The following CCDC3 variants were observed in gnomAD, a reference collection of about 807,000 sequenced individuals.
The protein encoded by CCDC3 is coiled-coil domain containing 3.
In CCDC3, 24 loss-of-function variants were observed where a neutral mutation model predicts 21.4. That is an observed-to-expected ratio of 1.12 (90% confidence interval 0.81 to 1.58). The LOEUF is 1.58. Ranked by LOEUF, CCDC3 falls within the 40% of genes most tolerant of loss-of-function variation. CCDC3 has a pLI of 0.00. For missense variants in CCDC3, 425 were observed against 360.9 expected (o/e 1.18, Z -1.44); for synonymous variants, 186 against 166.0 (o/e 1.12, Z -0.93).
intron 2 of CCDC3, chr10:13,098,954 A>G (rs185611555): frequency 3.3e-5 from 5 of 152,390 alleles, no homozygotes; most frequent in South Asian, 2.1e-4. Flanking sequence ...GGACCTTGCG[A>G]TCTGCCTGCC....
chr10:13,001,612 C>CG lies in CCDC3; in HGVS notation c.-43dup. On this transcript the variant is annotated 5_prime_UTR_variant, in exon 1 of 3. Transcript: ENST00000378825. ...GCGCACGGGGCGGCGGCGGGGAGCC[C>CG]GGGGAGCCCGCCGGCCCGGGAAGGG... The CG allele has an allele frequency of 9.0e-7, 1 of 1,109,750 alleles. No homozygotes were observed. The highest frequency in any genetic ancestry group is 1.1e-6 in the Non-Finnish European group (1 of 910,752). The allele number at this position is 1,109,750 out of a possible 1,614,324, so 68.7% of individuals were successfully genotyped here.
intron 3 of CCDC3, among the ~76,000 whole-genome samples, chr10:13,094,242 AGATGAT>A (rs71386151): frequency 0.11 from 16,086 of 146,662 alleles, 1,070 homozygotes; most frequent in Admixed American, 0.18. Context: ...TTACTTTTCA[AGATGAT>A]GATGATGATG....
intron 5 of CCDC3, among the ~76,000 whole-genome samples, chr10:13,016,479 C>T (rs919078861): frequency 2.6e-5 from 4 of 151,998 alleles, no homozygotes; most frequent in African/African-American, 9.7e-5. Context: ...TGTTCAGGGC[C>T]TTCCTTGGAG....
chr10:12,970,615 A>C (rs1006189878), intron 2 of CCDC3, among the ~76,000 whole-genome samples: 3 of 152,224 alleles, frequency 2.0e-5, no homozygotes, highest in Non-Finnish European at 4.4e-5. Context: ...ACGGTGGCTC[A>C]CGCCTGTAAT....
At chr10:12,906,873 C>G (rs917685719) in intron 2 of CCDC3, among the ~76,000 whole-genome samples, 6 of 152,224 alleles carry the variant, frequency 3.9e-5, no homozygotes, top group African/African-American at 1.4e-4. Flanking sequence ...CTCCTCCTCC[C>G]TCAGCATCCT....
intron 2 of CCDC3, among the ~76,000 whole-genome samples, chr10:12,921,650 A>T: frequency 6.6e-6 from 1 of 152,238 alleles, no homozygotes; most frequent in Non-Finnish European, 1.5e-5. Flanking sequence ...TTGTGCAACC[A>T]GTCTCTGGCA....
At chr10:13,066,865 T>A (rs1017318798) in intron 4 of CCDC3, among the ~76,000 whole-genome samples, 4 of 152,080 alleles carry the variant, frequency 2.6e-5, no homozygotes, top group African/African-American at 4.8e-5. Context: ...CTTTGCTGAG[T>A]TTTTTTGTTT....
rs181191408 is a variant in CCDC3 at position 12,948,755 on chromosome 10, C to T, written c.549+49583G>A. Among the ~76,000 whole-genome samples the T allele has an allele frequency of 2.6e-3, 129 of 48,866 alleles. 3 individuals are homozygous for T. The East Asian group carries it at 0.084, about 32-fold the overall frequency. 32.1% of individuals were successfully genotyped at this position (48,866 alleles called of 152,430 possible). A position where few individuals can be genotyped will look rare whatever the true frequency, so the allele number is the denominator to read the frequency against. On this transcript the variant is annotated intron_variant, in intron 2 of 2. Coordinates refer to ENST00000378825, the MANE Select transcript of CCDC3 (RefSeq NM_031455.4). ...TTTTTTTTTTTTTTTTTTTTTGAGA[C>T]AGAGTCTTGCTCTTTTGCCCAGGCT...
intron 3 of CCDC3, among the ~76,000 whole-genome samples, chr10:13,086,619 T>C (rs370214917): frequency 6.6e-6 from 1 of 152,042 alleles, no homozygotes; most frequent in African/African-American, 2.4e-5. Flanking sequence ...ACTAATTTTT[T>C]GTATTTTTAG....
chr10:13,009,675 A>G (rs917585320), intron 5 of CCDC3, among the ~76,000 whole-genome samples: 1 of 152,220 alleles, frequency 6.6e-6, no homozygotes, highest in African/African-American at 2.4e-5. Flanking sequence ...ATTGATTGGA[A>G]AAAGAACGAC....
At position 12,943,227 on chromosome 10, in the gene CCDC3, T is replaced by C. The variant is rs151218761; in HGVS notation, c.550-44548A>G. Among the ~76,000 whole-genome samples the C allele has an allele frequency of 1.3e-3, 193 of 152,246 alleles. 3 individuals are homozygous for C. In the East Asian group the frequency reaches 0.032, roughly 25 times the overall value. ...TTAAAGTTTGTCAGTTTAATGAAAA[T>C]AGAGTGGTCAGCATTAGATAGTAAA... On this transcript the variant is annotated intron_variant, in intron 2 of 2. Transcript: ENST00000378825.
chr10:12,907,368 G>A (rs1834189320), intron 2 of CCDC3, among the ~76,000 whole-genome samples: 1 of 152,150 alleles, frequency 6.6e-6, no homozygotes, highest in Non-Finnish European at 1.5e-5. Flanking sequence ...AGTTTTGCCG[G>A]GTGCAGTGGC....
intron 2 of CCDC3, among the ~76,000 whole-genome samples, chr10:12,933,753 C>T (rs114907070): frequency 2.5e-3 from 381 of 152,230 alleles, no homozygotes; most frequent in African/African-American, 8.4e-3. Flanking sequence ...CCACTGTGCC[C>T]GGCCATAATA....
chr10:12,909,845 C>T (rs1834238365), intron 2 of CCDC3, among the ~76,000 whole-genome samples: 1 of 152,144 alleles, frequency 6.6e-6, no homozygotes. Flanking sequence ...TTTTCAGGGT[C>T]TAGGGTATTG....
At chr10:12,914,593 C>T (rs1834321292) in intron 2 of CCDC3, among the ~76,000 whole-genome samples, 1 of 152,002 alleles carries the variant, frequency 6.6e-6, no homozygotes, top group Admixed American at 6.6e-5. Context: ...TACAGGCATA[C>T]ACCACCATGC....
At chr10:13,072,873 T>C (rs911259848) in intron 4 of CCDC3, among the ~76,000 whole-genome samples, 1 of 146,468 alleles carries the variant, frequency 6.8e-6, no homozygotes, top group African/African-American at 2.5e-5. Context: ...CTTTCTTTTT[T>C]TTTTTTTTTT....
chr10:12,920,167 G>C (rs566427818), intron 2 of CCDC3, among the ~76,000 whole-genome samples: 23 of 152,278 alleles, frequency 1.5e-4, no homozygotes, highest in African/African-American at 5.5e-4. Context: ...TCACAATCAT[G>C]GTGGAAGGTG....
chr10:13,047,854 C>G (rs1480187507), intron 5 of CCDC3, among the ~76,000 whole-genome samples: 1 of 152,110 alleles, frequency 6.6e-6, no homozygotes, highest in Non-Finnish European at 1.5e-5. Flanking sequence ...AGGTTAGGGA[C>G]GCGCCGGAAG....
intron 4 of CCDC3, among the ~76,000 whole-genome samples, chr10:13,062,696 A>G (rs1001746397): frequency 2.6e-5 from 4 of 152,162 alleles, no homozygotes; most frequent in Non-Finnish European, 5.9e-5. Context: ...CCCTTTCCCA[A>G]GCAGACCTCC....
Sources: allele counts gnomAD v4.1 joint callset (sites outside exome capture counted in the v4.1 genomes callset), GRCh38; gene constraint gnomAD v4.1.1; transcripts MANE v1.5; gene names NCBI Gene and HGNC (gene_info 2026-07-23, HGNC 2026-07-21).